Variants in ADAMTS12 observed in about 807,000 individuals in gnomAD.
ADAMTS12 encodes ADAM metallopeptidase with thrombospondin type 1 motif 12.
ADAMTS12 carries 118 observed loss-of-function variants against 167.8 expected under a neutral mutation model. The ratio of observed to expected loss-of-function variants is 0.70; its 90% CI spans 0.61 to 0.82. ADAMTS12 has a LOEUF of 0.82. ADAMTS12 is among the 40% of genes least tolerant of loss of function. The probability of loss-of-function intolerance (pLI) is 0.00; values close to 1 mark genes in which losing one functional copy is unlikely to be tolerated. For missense variants in ADAMTS12, 1,916 were observed against 1,998.8 expected (o/e 0.96, Z 0.79); for synonymous variants, 704 against 716.9 (o/e 0.98, Z 0.29).
intron 2 of ADAMTS12, among the ~76,000 whole-genome samples, chr5:33,780,670 T>C (rs1746092735): frequency 1.3e-5 from 2 of 152,222 alleles, no homozygotes; most frequent in African/African-American, 4.8e-5. Context: ...CTGATTCTTG[T>C]CCCTTATCAG....
chr5:33,538,813 T>C (rs1050366383), intron 22 of ADAMTS12, among the ~76,000 whole-genome samples: 1 of 152,184 alleles, frequency 6.6e-6, no homozygotes, highest in Non-Finnish European at 1.5e-5. Context: ...TTCTCTTTTC[T>C]ATCACCCCTG....
rs2112145219 is a variant in ADAMTS12 at position 33,630,921 on chromosome 5, G to A, written c.1889-8C>T. ...AGAGCTCACAAGGATGTGCTGAAGG[G>A]AAAAAAGAAGGCAAAGCCTTGCAAA... On this transcript the variant is annotated splice_region_variant and splice_polypyrimidine_tract_variant and intron_variant, in intron 12 of 23. Transcript: ENST00000504830. The A allele has an allele frequency of 1.2e-6, 2 of 1,609,690 alleles. No homozygotes were observed. The highest frequency in any genetic ancestry group is 2.2e-5 in the East Asian group (1 of 44,798).
chr5:33,582,278 A>G (rs1747104847), intron 18 of ADAMTS12, among the ~76,000 whole-genome samples: 1 of 152,176 alleles, frequency 6.6e-6, no homozygotes, highest in Non-Finnish European at 1.5e-5. Flanking sequence ...AGCACAGGCT[A>G]CTGATGCCTG....
At chr5:33,792,066 C>T (rs1386910154) in intron 2 of ADAMTS12, among the ~76,000 whole-genome samples, 1 of 145,918 alleles carries the variant, frequency 6.9e-6, no homozygotes, top group Admixed American at 7.0e-5. Flanking sequence ...GGCACGATCT[C>T]GGCTCACTGC....
At chr5:33,561,272 G>A (rs74878112) in intron 19 of ADAMTS12, 93 bp from the exon 20 acceptor site, 25,366 of 1,475,778 alleles carry the variant, frequency 0.017, 498 homozygotes, top group East Asian at 0.074. Flanking sequence ...TCTCAGTCCC[G>A]TTTGCTAACA....
rs79559080 is a variant in ADAMTS12, at chr5:33,829,766, G to C, written c.489+51353C>G. Among the ~76,000 whole-genome samples, 972 of 152,280 alleles carry C rather than the reference G, an allele frequency of 6.4e-3. 7 individuals carry two copies. The highest frequency in any genetic ancestry group is 0.021 in the African/African-American group (875 of 41,550). On this transcript the variant is annotated intron_variant, in intron 2 of 23. Coordinates refer to ENST00000504830, the MANE Select transcript of ADAMTS12 (RefSeq NM_030955.4). ...TTAACTAAGCAGCTGTGGTCGGAAAGTACAAATTCTCCTTTAAAAATGGCC... is the reference window on the plus strand; with the variant it reads ...TTAACTAAGCAGCTGTGGTCGGAAACTACAAATTCTCCTTTAAAAATGGCC...
At chr5:33,648,162 G>C (rs4568371) in intron 9 of ADAMTS12, among the ~76,000 whole-genome samples, 131,126 of 152,174 alleles carry the variant, frequency 0.86, 58,159 homozygotes, top group East Asian at 0.98. Context: ...TCAAAAGGAG[G>C]TGGAACTTTA....
intron 17 of ADAMTS12, among the ~76,000 whole-genome samples, chr5:33,595,545 C>T (rs893511125): frequency 1.3e-5 from 2 of 152,204 alleles, no homozygotes; most frequent in Admixed American, 6.5e-5. Flanking sequence ...GCCTGAAGTA[C>T]AAGTGGGCAC....
chr5:33,568,820 C>G (rs1024613053), intron 19 of ADAMTS12, among the ~76,000 whole-genome samples: 3 of 152,214 alleles, frequency 2.0e-5, no homozygotes, highest in Non-Finnish European at 4.4e-5. Context: ...CGCAAGGGGT[C>G]AGGGAGTTCC....
At chr5:33,530,100 A>G (rs1274920534) in intron 23 of ADAMTS12, among the ~76,000 whole-genome samples, 3 of 131,716 alleles carry the variant, frequency 2.3e-5, no homozygotes, top group African/African-American at 9.0e-5. Flanking sequence ...TTTTTTTTGT[A>G]TATTTAGTAG....
At position 33,606,734 on chromosome 5, in the gene ADAMTS12, A is replaced by G. The variant is rs528514063; in HGVS notation, c.2527+7504T>C. Among the ~76,000 whole-genome samples, 164 of 152,336 alleles carry G rather than the reference A, an allele frequency of 1.1e-3. 1 individual carries two copies. Among genetic ancestry groups the G allele is most frequent in the Non-Finnish European group, 2.0e-3 (133 of 68,018 alleles). On this transcript the variant is annotated intron_variant, in intron 16 of 23. Coordinates refer to ENST00000504830, the MANE Select transcript of ADAMTS12 (RefSeq NM_030955.4). ...TTATATAAAGTTGCAGAGAAAAAAG[A>G]GGAAAAATAACCCAACTCATTTATG...
chr5:33,603,479 T>C (rs1028447097), intron 16 of ADAMTS12: 3 of 152,220 alleles, frequency 2.0e-5, no homozygotes, highest in Non-Finnish European at 4.4e-5. Context: ...CCAAGTTTCC[T>C]GAGGAGTAGT....
intron 5 of ADAMTS12, among the ~76,000 whole-genome samples, chr5:33,674,504 T>C (rs1399071771): frequency 1.3e-5 from 2 of 152,218 alleles, no homozygotes; most frequent in East Asian, 1.9e-4. Context: ...ATTTACTTTA[T>C]GTCCATAATA....
chr5:33,714,612 T>A (rs906928309), intron 3 of ADAMTS12, among the ~76,000 whole-genome samples: 3 of 150,400 alleles, frequency 2.0e-5, no homozygotes, highest in African/African-American at 7.3e-5. Flanking sequence ...GGAATACTAT[T>A]CAGCCATAAA....
At chr5:33,709,222 T>G (rs1246856333) in intron 3 of ADAMTS12, among the ~76,000 whole-genome samples, 1 of 152,158 alleles carries the variant, frequency 6.6e-6, no homozygotes, top group Non-Finnish European at 1.5e-5. Context: ...GGTGAGGCTG[T>G]GGAGAAATAG....
In ADAMTS12 at chr5:33,657,808, A is replaced by G. The variant is rs1030422411; in HGVS notation, c.1190+376T>C. Among the ~76,000 whole-genome samples the G allele has an allele frequency of 1.4e-4, 21 of 152,312 alleles. No homozygotes were observed. The East Asian group carries it at 4.0e-3, about 29-fold the overall frequency. On this transcript the variant is annotated intron_variant, in intron 7 of 23. Transcript: ENST00000504830. ...GCACAAAGTAAGGTGCAAAAATGTT[A>G]GGTTTTATGGCTTTTTAGTGATATT...
intron 3 of ADAMTS12, among the ~76,000 whole-genome samples, chr5:33,734,701 G>T (rs186901829): frequency 2.6e-5 from 4 of 152,312 alleles, no homozygotes; most frequent in African/African-American, 9.6e-5. Context: ...TGCAGCAAAG[G>T]ATGACAACAC....
intron 2 of ADAMTS12, among the ~76,000 whole-genome samples, chr5:33,794,208 G>A (rs1011386789): frequency 6.6e-6 from 1 of 152,206 alleles, no homozygotes; most frequent in African/African-American, 2.4e-5. Flanking sequence ...CAGTGGAGGT[G>A]TGTGCTTGGG....
At chr5:33,870,130 GTTATCCTGTTCTT>G (rs1749981509) in intron 2 of ADAMTS12, among the ~76,000 whole-genome samples, 2 of 152,244 alleles carry the variant, frequency 1.3e-5, no homozygotes, top group South Asian at 4.1e-4. Context: ...GAACATCACT[GTTATCCTGTTCTT>G]TTTTCAAGGT....
Sources: allele counts gnomAD v4.1 joint callset (sites outside exome capture counted in the v4.1 genomes callset), GRCh38; gene constraint gnomAD v4.1.1; transcripts MANE v1.5; gene names NCBI Gene and HGNC (gene_info 2026-07-23, HGNC 2026-07-21).